Variants in ACBD6 observed in about 807,000 individuals in gnomAD.
ACBD6 encodes the protein acyl-CoA binding domain containing 6, also known as acyl-CoA-binding domain-containing protein 6.
Under a neutral mutation model 37.2 loss-of-function variants are expected in ACBD6, and 28 were observed. The observed-to-expected ratio is 0.75, with a 90% confidence interval of 0.56 to 1.03. The LOEUF (loss-of-function observed/expected upper bound fraction) is 1.03, where lower values mean the gene tolerates loss of function less well. Among genes scored for constraint, ACBD6 ranks in the 50% least tolerant of loss-of-function variants. The pLI is 0.00. For missense variants in ACBD6, 340 were observed against 337.4 expected, an observed-to-expected ratio of 1.01 and a Z score of -0.06; for synonymous variants, 113 against 126.8, an observed-to-expected ratio of 0.89 and a Z score of 0.73.
chr1:180,305,155 A>C (rs1484200549), intron 7 of ACBD6, among the ~76,000 whole-genome samples: 7 of 152,200 alleles, frequency 4.6e-5, no homozygotes, highest in Non-Finnish European at 8.8e-5. Context: ...CCTAGATTAA[A>C]ACCTAGGCAA....
At chr1:180,337,905 T>A (rs1450946327) in intron 6 of ACBD6, among the ~76,000 whole-genome samples, 1 of 152,126 alleles carries the variant, frequency 6.6e-6, no homozygotes, top group African/African-American at 2.4e-5. Context: ...TCACAAGTGC[T>A]TCGAAGAGAA....
intron 7 of ACBD6, among the ~76,000 whole-genome samples, chr1:180,296,715 G>A (rs1649933523): frequency 6.6e-6 from 1 of 152,042 alleles, no homozygotes; most frequent in Non-Finnish European, 1.5e-5. Flanking sequence ...ACAGGCATGA[G>A]CCACCATGTC....
chr1:180,355,437 A>G (rs1225258826), intron 6 of ACBD6, among the ~76,000 whole-genome samples: 1 of 152,172 alleles, frequency 6.6e-6, no homozygotes, highest in African/African-American at 2.4e-5. Flanking sequence ...CATGTCCTGT[A>G]CTGACTTTTC....
At chr1:180,335,579 G>A (rs962152358) in intron 6 of ACBD6, among the ~76,000 whole-genome samples, 7 of 151,964 alleles carry the variant, frequency 4.6e-5, no homozygotes, top group Non-Finnish European at 8.8e-5. Context: ...AAAGACCATC[G>A]AGGCTATGAA....
intron 6 of ACBD6, among the ~76,000 whole-genome samples, chr1:180,387,815 C>T (rs185694955): frequency 1.5e-4 from 23 of 152,274 alleles, no homozygotes; most frequent in Non-Finnish European, 3.1e-4. Context: ...TTCTTATCTG[C>T]ACCCATTGGT....
At chr1:180,310,287 G>C (rs754654533) in intron 7 of ACBD6, among the ~76,000 whole-genome samples, 5 of 152,066 alleles carry the variant, frequency 3.3e-5, no homozygotes, top group Non-Finnish European at 5.9e-5. Flanking sequence ...TCAAGCACAG[G>C]AGTTCAAGGC....
chr1:180,364,548 G>C (rs1376889500), intron 6 of ACBD6, among the ~76,000 whole-genome samples: 3 of 152,124 alleles, frequency 2.0e-5, no homozygotes, highest in African/African-American at 7.2e-5. Flanking sequence ...TAGGTAAGCA[G>C]ACATAGATTT....
At chr1:180,485,208 G>A (rs1347741731) in intron 3 of ACBD6, among the ~76,000 whole-genome samples, 1 of 152,056 alleles carries the variant, frequency 6.6e-6, no homozygotes, top group Non-Finnish European at 1.5e-5. Context: ...TCCAGACCTT[G>A]GTTTCTAAAT....
At chr1:180,318,865 T>C (rs113348102) in intron 6 of ACBD6, among the ~76,000 whole-genome samples, 14 of 152,252 alleles carry the variant, frequency 9.2e-5, no homozygotes, top group African/African-American at 3.1e-4. Flanking sequence ...TTTTAAAGCT[T>C]TGTTTATTTA....
intron 3 of ACBD6, among the ~76,000 whole-genome samples, chr1:180,455,481 T>C (rs1252702949): frequency 6.6e-6 from 1 of 151,956 alleles, no homozygotes; most frequent in Non-Finnish European, 1.5e-5. Flanking sequence ...GTAACAAACC[T>C]GCACGTTCTG....
At chr1:180,320,473 TAAAA>T (rs1651025978) in intron 6 of ACBD6, among the ~76,000 whole-genome samples, 1 of 149,040 alleles carries the variant, frequency 6.7e-6, no homozygotes, top group African/African-American at 2.5e-5. Context: ...CCATCTCTAT[TAAAA>T]AATATAAAAA....
intron 3 of ACBD6, among the ~76,000 whole-genome samples, chr1:180,467,328 T>A (rs1034324155): frequency 6.7e-6 from 1 of 150,294 alleles, no homozygotes; most frequent in African/African-American, 2.4e-5. Flanking sequence ...AAGTGAAAAG[T>A]AGGCCAGGCA....
At chr1:180,381,059 G>A (rs1653627222) in intron 6 of ACBD6, among the ~76,000 whole-genome samples, 2 of 151,962 alleles carry the variant, frequency 1.3e-5, no homozygotes, top group South Asian at 4.1e-4. Context: ...AAAGCAAGCA[G>A]GAGTAGCTAT....
chr1:180,423,244 G>A (rs1019455325), intron 4 of ACBD6, among the ~76,000 whole-genome samples: 6 of 152,186 alleles, frequency 3.9e-5, no homozygotes, highest in Middle Eastern at 3.4e-3. Flanking sequence ...AAACATCAAC[G>A]TATAAGTGGA....
At chr1:180,280,358 T>TC (rs1649271342) in intron 9 of ACBD6, among the ~76,000 whole-genome samples, 1 of 122,576 alleles carries the variant, frequency 8.2e-6, no homozygotes, top group Non-Finnish European at 1.9e-5. Flanking sequence ...TAGAGAAAAC[T>TC]TAAAAAAAAA....
chr1:180,377,728 A>G (rs889941582), intron 6 of ACBD6, among the ~76,000 whole-genome samples: 11 of 152,052 alleles, frequency 7.2e-5, no homozygotes, highest in African/African-American at 2.4e-4. Flanking sequence ...TGGGTGGATC[A>G]CCTGAGGTCG....
chr1:180,368,838 T>C lies in ACBD6; in HGVS notation c.663+28678A>G, dbSNP rs185186663. Among the ~76,000 whole-genome samples the C allele has an allele frequency of 6.6e-4, 101 of 152,242 alleles. 1 individual carries two copies. Among genetic ancestry groups the C allele is most frequent in the African/African-American group, 2.2e-3 (92 of 41,550 alleles). ...TAAAAGTTATGTGTATGTGGTATCCTTTCCTCTCCTCTCAAAACATCTTAT... is the reference window on the plus strand; with the variant it reads ...TAAAAGTTATGTGTATGTGGTATCCCTTCCTCTCCTCTCAAAACATCTTAT... On this transcript the variant is annotated intron_variant, in intron 6 of 7. Coordinates refer to ENST00000367595, the MANE Select transcript of ACBD6 (RefSeq NM_032360.4).
intron 6 of ACBD6, among the ~76,000 whole-genome samples, chr1:180,349,270 T>G (rs1436349047): frequency 6.7e-6 from 1 of 149,520 alleles, no homozygotes; most frequent in Non-Finnish European, 1.5e-5. Flanking sequence ...TTAATTTCTT[T>G]TTTTTTTTTG....
At chr1:180,359,463 C>G (rs1652761906) in intron 6 of ACBD6, among the ~76,000 whole-genome samples, 1 of 151,936 alleles carries the variant, frequency 6.6e-6, no homozygotes, top group Non-Finnish European at 1.5e-5. Flanking sequence ...CTAAAACCCC[C>G]TGTAAAAATA....
Sources: gnomAD v4.1 joint callset for allele counts (sites outside exome capture counted in the v4.1 genomes callset) on GRCh38, gnomAD v4.1.1 for gene constraint, MANE v1.5 for transcripts, NCBI Gene and HGNC (gene_info 2026-07-23, HGNC 2026-07-21) for gene names.